Variants in ZNF273 observed in about 807,000 individuals in gnomAD.
ZNF273 encodes zinc finger protein 9.
A neutral mutation model predicts 14.9 loss-of-function variants in ZNF273; 11 were observed. That is an observed-to-expected ratio of 0.74 (90% CI 0.46 to 1.22). The LOEUF (loss-of-function observed/expected upper bound fraction) is 1.22. ZNF273 is among the 50% of genes most tolerant of loss of function. The pLI, the probability that ZNF273 is intolerant of heterozygous loss-of-function variation, is 0.00. For missense variants in ZNF273, 577 were observed against 660.6 expected (o/e 0.87, Z 1.39); for synonymous variants, 199 against 223.9 (o/e 0.89, Z 0.99).
chr7:64,882,966 GCTGT>G (rs1406792823), downstream of ZNF273, among the ~76,000 whole-genome samples: 9 of 152,170 alleles, frequency 5.9e-5, no homozygotes, highest in East Asian at 7.7e-4. Flanking sequence ...TGTGTATGCG[GCTGT>G]CTGTGTGTGC....
At chr7:64,927,084 G>T (rs1794800547) in intron 3 of ZNF273, among the ~76,000 whole-genome samples, 1 of 152,162 alleles carries the variant, frequency 6.6e-6, no homozygotes, top group Non-Finnish European at 1.5e-5. Flanking sequence ...AAGAAACCAA[G>T]AGTTGGCAAT....
In ZNF273 at chr7:64,927,852, G is replaced by C. The variant is rs1794838054; in HGVS notation, c.524G>C (p.Ser175Thr). Residue 175 changes from serine (S) to threonine (T), a missense_variant, in exon 4 of 4, where the codon AGC (serine) becomes ACC (threonine). Transcript: ENST00000476120. ...GLNQCLTTTQ[S>T]KIFQCDKYVK... ...AACCAATGTTTGACAACTACCCAGA[G>C]CAAAATATTTCAATGTGATAAATAT... 1.9e-6 allele frequency: 3 copies of C among 1,613,846 alleles called. No individual in the cohort carries two copies. The highest frequency in any genetic ancestry group is 1.7e-6 in the Non-Finnish European group (2 of 1,179,956).
chr7:64,925,192 G>A (rs2129100447), intron 3 of ZNF273, among the ~76,000 whole-genome samples: 1 of 144,438 alleles, frequency 6.9e-6, no homozygotes, highest in South Asian at 2.3e-4. Context: ...TTTTCTGAAG[G>A]AGAAAGTCTT....
At chr7:64,916,873 AC>A (rs1794039882) in intron 1 of ZNF273, among the ~76,000 whole-genome samples, 1 of 151,176 alleles carries the variant, frequency 6.6e-6, no homozygotes, top group Admixed American at 6.6e-5. Flanking sequence ...TATTTTTCTT[AC>A]TATAGAGTTA....
In ZNF273 at chr7:64,928,902, G is replaced by A. The variant is rs749550011; in HGVS notation, c.1574G>A (p.Arg525Gln). The A allele has an allele frequency of 9.9e-6, 16 of 1,613,510 alleles. No individual in the cohort carries two copies. Among genetic ancestry groups the A allele is most frequent in the Admixed American group, 6.7e-5 (4 of 59,964 alleles). Residue 525 changes from arginine (R) to glutamine (Q), a missense_variant, in exon 4 of 4, where the codon CGG becomes CAG. Coordinates refer to ENST00000476120, the MANE Select transcript of ZNF273 (RefSeq NM_021148.3). ...GAAGAATGTGGCAAAGCTTTTAACC[G>A]GTCCTCAAACCTTACTCGACATAAG... ...KCEECGKAFNRSSNLTRHKKI... is the reference protein window; with the variant it reads ...KCEECGKAFNQSSNLTRHKKI...
At chr7:64,880,950 G>A (rs1791235293), downstream of ZNF273, among the ~76,000 whole-genome samples, 2 of 152,196 alleles carry the variant, frequency 1.3e-5, no homozygotes, top group Admixed American at 1.3e-4. Flanking sequence ...TTCCGGGGAC[G>A]GAGAGTGTGA....
Position 64,903,293 on chromosome 7 carries a change from C to G in ZNF273, c.-25C>G. ...CCTTTGTCTCTCGCTGCAGTCGCAGCTCCAGGTCTCGTCTTCACTGCTCTA... is the reference window on the plus strand; with the variant it reads ...CCTTTGTCTCTCGCTGCAGTCGCAGGTCCAGGTCTCGTCTTCACTGCTCTA... On this transcript the variant is annotated 5_prime_UTR_variant, in exon 1 of 4. Coordinates refer to ENST00000476120, the MANE Select transcript of ZNF273 (RefSeq NM_021148.3). The G allele has an allele frequency of 6.3e-7, 1 of 1,580,888 alleles. No homozygotes were observed. Among genetic ancestry groups the G allele is most frequent in the Non-Finnish European group, 8.7e-7 (1 of 1,152,064 alleles).
intron 1 of ZNF273, chr7:64,917,134 A>C: frequency 7.9e-7 from 1 of 1,267,482 alleles, no homozygotes; most frequent in Non-Finnish European, 1.0e-6. Context: ...CTTGTTAAAA[A>C]TTTGGAAACT....
downstream of ZNF273, among the ~76,000 whole-genome samples, chr7:64,935,526 A>T (rs12386739): frequency 0.033 from 4,950 of 151,900 alleles, 269 homozygotes; most frequent in African/African-American, 0.11. Context: ...CCTATTATTT[A>T]TTTATTTATT....
chr7:64,904,731 C>T (rs991103045), intron 1 of ZNF273, among the ~76,000 whole-genome samples: 2 of 152,032 alleles, frequency 1.3e-5, no homozygotes, highest in Non-Finnish European at 2.9e-5. Context: ...AAATTTTTTT[C>T]TGTTTGAAAA....
At chr7:64,931,017 CAT>C (rs1261191431), downstream of ZNF273, 4 of 152,064 alleles carry the variant, frequency 2.6e-5, no homozygotes, top group Admixed American at 6.5e-5. Context: ...TTTCTTCTAA[CAT>C]GTGGCCTCTT....
chr7:64,892,299 C>T (rs1445700887), downstream of ZNF273, among the ~76,000 whole-genome samples: 1 of 152,238 alleles, frequency 6.6e-6, no homozygotes, highest in African/African-American at 2.4e-5. Flanking sequence ...CCAGCTAGAC[C>T]TGCCAGAGTT....
intron 3 of ZNF273, among the ~76,000 whole-genome samples, chr7:64,918,800 A>C (rs1262455954): frequency 6.6e-6 from 1 of 151,714 alleles, no homozygotes; most frequent in Non-Finnish European, 1.5e-5. Context: ...AAATTCTCTA[A>C]GGATTCTACT....
At chr7:64,912,826 G>GTTTTTTGTTGTTGTTGTTGT in intron 1 of ZNF273, among the ~76,000 whole-genome samples, 3 of 36,574 alleles carry the variant, frequency 8.2e-5, no homozygotes, top group Admixed American at 8.0e-4. Context: ...ATTCATTTTA[G>GTTTTTTGTTGTTGTTGTTGT]TTTTTTTTTT....
downstream of ZNF273, among the ~76,000 whole-genome samples, chr7:64,894,677 A>G (rs1371293640): frequency 7.1e-6 from 1 of 140,270 alleles, no homozygotes; most frequent in Non-Finnish European, 1.6e-5. Context: ...TTGTCATACT[A>G]TATAAATACT....
upstream of ZNF273, among the ~76,000 whole-genome samples, chr7:64,902,723 G>GAA (rs1792808539): frequency 6.9e-6 from 1 of 145,394 alleles, no homozygotes; most frequent in Admixed American, 6.9e-5. Flanking sequence ...CAGAGAGAGA[G>GAA]AAAGAAAAAG....
intron 1 of ZNF273, among the ~76,000 whole-genome samples, chr7:64,907,560 T>C (rs1371821576): frequency 6.6e-6 from 1 of 152,212 alleles, no homozygotes. Context: ...CTATGGAATT[T>C]GTGACTGGCA....
upstream of ZNF273, among the ~76,000 whole-genome samples, chr7:64,902,761 C>T (rs1007195500): frequency 2.0e-5 from 3 of 152,212 alleles, no homozygotes; most frequent in South Asian, 4.1e-4. Flanking sequence ...AGTGGGGAGG[C>T]GGCTTCCAGG....
intron 1 of ZNF273, chr7:64,916,940 C>A: frequency 8.9e-7 from 1 of 1,127,874 alleles, no homozygotes; most frequent in Non-Finnish European, 1.1e-6. Context: ...CATAAACCAT[C>A]ACATTTAATC....
Sources: gnomAD v4.1 joint callset for allele counts (sites outside exome capture counted in the v4.1 genomes callset) on GRCh38, gnomAD v4.1.1 for gene constraint, MANE v1.5 for transcripts, NCBI Gene and HGNC (gene_info 2026-07-23, HGNC 2026-07-21) for gene names.